The following MALRD1 variants were observed in gnomAD, a reference collection of about 807,000 sequenced individuals.
MALRD1 encodes the protein MAM and LDL receptor class A domain containing 1, also known as MAM and LDL-receptor class A domain-containing protein 1.
MALRD1 carries 247 observed loss-of-function variants against 242.1 expected under a neutral mutation model. The ratio of observed to expected loss-of-function variants is 1.02; its 90% CI spans 0.92 to 1.13. The LOEUF is 1.13. MALRD1 is among the 50% of genes most tolerant of loss of function. MALRD1 has a pLI of 0.00. For missense variants in MALRD1, 2,989 were observed against 2,533.1 expected (o/e 1.18, Z -3.86); for synonymous variants, 995 against 866.6 (o/e 1.15, Z -2.60).
At chr10:19,533,872 C>T (rs902347871) in intron 32 of MALRD1, among the ~76,000 whole-genome samples, 4 of 152,200 alleles carry the variant, frequency 2.6e-5, no homozygotes, top group African/African-American at 7.2e-5. Context: ...CTTGCTTTTA[C>T]CACGTCCGTG....
At chr10:19,664,857 A>T (rs966593015) in intron 36 of MALRD1, among the ~76,000 whole-genome samples, 2 of 152,084 alleles carry the variant, frequency 1.3e-5, no homozygotes, top group Non-Finnish European at 2.9e-5. Context: ...ACTTTTTATC[A>T]TGACCATTTT....
intron 12 of MALRD1, among the ~76,000 whole-genome samples, chr10:19,158,290 A>T (rs1193988486): frequency 6.6e-6 from 1 of 152,220 alleles, no homozygotes; most frequent in Non-Finnish European, 1.5e-5. Context: ...TTGCTTTCAA[A>T]GTTAGTTTGT....
Position 19,175,225 on chromosome 10 carries a change from T to C in MALRD1, c.1848T>C (p.Thr616=). The C allele has an allele frequency of 8.1e-7, 1 of 1,229,836 alleles. No individual in the cohort carries two copies. The highest frequency in any genetic ancestry group is 1.0e-6 in the Non-Finnish European group (1 of 986,692). 76.2% of individuals were successfully genotyped at this position (1,229,836 alleles called of 1,614,324 possible). A position where few individuals can be genotyped will look rare whatever the true frequency, so the allele number is the denominator to read the frequency against. ...TLPFQLILEA[T]VLSSNATVAL... ...AATTATAGTTAATTTTGGAAGCTACTGTTTTGTCGTCAAATGCTACCGTTG... is the reference window on the plus strand; with the variant it reads ...AATTATAGTTAATTTTGGAAGCTACCGTTTTGTCGTCAAATGCTACCGTTG... The change falls in exon 14 of 40, where the codon ACT becomes ACC. Residue 616 remains threonine (T), a synonymous_variant. Transcript: ENST00000454679.
intron 36 of MALRD1, among the ~76,000 whole-genome samples, chr10:19,654,079 A>C (rs1036804239): frequency 1.3e-5 from 2 of 152,192 alleles, no homozygotes; most frequent in Non-Finnish European, 2.9e-5. Flanking sequence ...AGCTATTTAA[A>C]GCATAATATT....
chr10:19,371,760 A>G (rs1003422676), intron 26 of MALRD1, among the ~76,000 whole-genome samples: 29 of 152,228 alleles, frequency 1.9e-4, no homozygotes, highest in Admixed American at 1.8e-3. Context: ...ATGTGCATAT[A>G]TAAAGGTGTA....
intron 29 of MALRD1, among the ~76,000 whole-genome samples, chr10:19,477,889 T>C (rs1051084893): frequency 5.3e-5 from 8 of 152,196 alleles, no homozygotes; most frequent in African/African-American, 1.9e-4. Flanking sequence ...TGTTCATTAT[T>C]GTACACATGG....
At position 19,352,099 on chromosome 10, in the gene MALRD1, C is replaced by G. The variant is rs2130997880; in HGVS notation, c.4243C>G (p.Leu1415Val). The G allele has an allele frequency of 1.3e-6, 2 of 1,550,480 alleles. No homozygotes were observed. Among genetic ancestry groups the G allele is most frequent in the Non-Finnish European group, 1.7e-6 (2 of 1,146,880 alleles). The change falls in exon 26 of 40, where the codon CTC becomes GTC. Residue 1415 changes from leucine to valine, a missense_variant. Leu to Val is a conservative substitution (Grantham distance 32). Coordinates refer to ENST00000454679, the MANE Select transcript of MALRD1 (RefSeq NM_001142308.3). ...AAACCAAACGAAGGTTCTACTTAAC[C>G]TCACTGTAGAACAAGGCAATTTCTG... is the stretch of plus-strand genomic sequence containing the variant. Reference protein sequence around the residue: ...VTNQTKVLLNLTVEQGNFWRR... With the variant: ...VTNQTKVLLNVTVEQGNFWRR...
chr10:19,455,841 G>C (rs1166223507), intron 29 of MALRD1, among the ~76,000 whole-genome samples: 1 of 152,162 alleles, frequency 6.6e-6, no homozygotes, highest in Non-Finnish European at 1.5e-5. Flanking sequence ...TGAAATGTGT[G>C]CATTCCAGAG....
At position 19,203,795 on chromosome 10, in the gene MALRD1, C is replaced by G; in HGVS notation, c.2019C>G (p.Asp673Glu). 2 of 1,550,596 alleles carry G rather than the reference C, an allele frequency of 1.3e-6. No individual in the cohort carries two copies. Among genetic ancestry groups the G allele is most frequent in the Admixed American group, 3.9e-5 (2 of 50,998 alleles). Residue 673 changes from aspartate to glutamate, a missense_variant, in exon 15 of 40, where the codon GAC (aspartate) becomes GAG (glutamate). Coordinates refer to ENST00000454679, the MANE Select transcript of MALRD1 (RefSeq NM_001142308.3). Reference protein sequence around the residue: ...WFEAISGDHFDWIRSSQSELS... With the variant: ...WFEAISGDHFEWIRSSQSELS... Reference sequence around the variant, plus strand: ...AAGCAATTAGTGGTGACCATTTTGACTGGATACGGAGCTCTCAGAGTGAAC... The same window carrying G: ...AAGCAATTAGTGGTGACCATTTTGAGTGGATACGGAGCTCTCAGAGTGAAC...
intron 1 of MALRD1, among the ~76,000 whole-genome samples, chr10:19,065,471 T>C (rs1228069067): frequency 6.6e-6 from 1 of 152,038 alleles, no homozygotes; most frequent in Non-Finnish European, 1.5e-5. Context: ...GAATTGTTTT[T>C]GTAGCTATCT....
intron 31 of MALRD1, among the ~76,000 whole-genome samples, chr10:19,513,569 C>G (rs1265717165): frequency 2.6e-5 from 4 of 151,884 alleles, no homozygotes; most frequent in Non-Finnish European, 5.9e-5. Flanking sequence ...GAAACCCCGT[C>G]TCTACTAAAA....
chr10:19,695,639 C>T (rs1156491383), intron 38 of MALRD1, among the ~76,000 whole-genome samples: 3 of 151,748 alleles, frequency 2.0e-5, no homozygotes, highest in Non-Finnish European at 2.9e-5. Context: ...TCTGCCTCAG[C>T]CTCCTGAGTA....
intron 28 of MALRD1, among the ~76,000 whole-genome samples, chr10:19,438,960 T>C (rs1834482496): frequency 1.3e-5 from 2 of 152,168 alleles, no homozygotes; most frequent in Non-Finnish European, 2.9e-5. Context: ...ATGCTTTTTC[T>C]TGAATCCGCT....
chr10:19,547,819 T>TATATATACATA (rs1491504993), intron 32 of MALRD1, among the ~76,000 whole-genome samples: 2 of 12,542 alleles, frequency 1.6e-4, no homozygotes, highest in Non-Finnish European at 3.3e-4. Flanking sequence ...TATATATATA[T>TATATATACATA]TTTTTTTTTT....
At chr10:19,484,908 G>A (rs1340593760) in intron 29 of MALRD1, among the ~76,000 whole-genome samples, 1 of 152,184 alleles carries the variant, frequency 6.6e-6, no homozygotes, top group Non-Finnish European at 1.5e-5. Flanking sequence ...CAATTGCAAA[G>A]ATATGGAATC....
At chr10:19,587,536 G>T (rs542920009) in intron 33 of MALRD1, among the ~76,000 whole-genome samples, 2 of 152,196 alleles carry the variant, frequency 1.3e-5, no homozygotes, top group Admixed American at 1.3e-4. Context: ...TATGGAACTT[G>T]TATGAAATTC....
At chr10:19,052,200 A>G (rs1162038210) in intron 1 of MALRD1, 2 of 332,744 alleles carry the variant, frequency 6.0e-6, no homozygotes, top group African/African-American at 2.2e-5. Context: ...TTAATCAAAA[A>G]GAAAAACCAC....
At chr10:19,480,407 C>T (rs1202881905) in intron 29 of MALRD1, among the ~76,000 whole-genome samples, 1 of 152,134 alleles carries the variant, frequency 6.6e-6, no homozygotes, top group Non-Finnish European at 1.5e-5. Flanking sequence ...GTTTGTTTTT[C>T]TAGCAGTTGA....
chr10:19,668,123 C>T (rs1841757727), intron 36 of MALRD1, among the ~76,000 whole-genome samples: 1 of 152,128 alleles, frequency 6.6e-6, no homozygotes, highest in East Asian at 1.9e-4. Flanking sequence ...ATTAGGTTCT[C>T]AAGAAATAAA....
Sources: gnomAD v4.1 joint callset for allele counts (sites outside exome capture counted in the v4.1 genomes callset) on GRCh38, gnomAD v4.1.1 for gene constraint, MANE v1.5 for transcripts, NCBI Gene and HGNC (gene_info 2026-07-23, HGNC 2026-07-21) for gene names.